The following SGPP2 variants were observed in gnomAD, a reference collection of about 807,000 sequenced individuals.
The protein encoded by SGPP2 is sphingosine 1-phosphate phosphohydrolase 2.
SGPP2 carries 30 observed loss-of-function variants against 33.9 expected under a neutral mutation model. That is an observed-to-expected ratio of 0.89 (90% CI 0.66 to 1.20). The LOEUF is 1.20. SGPP2 is among the 50% of genes most tolerant of loss of function. The pLI is 0.00. For missense variants in SGPP2, 458 were observed against 532.1 expected, an observed-to-expected ratio of 0.86 and a Z score of 1.37; for synonymous variants, 233 against 225.0, an observed-to-expected ratio of 1.04 and a Z score of -0.32.
At chr2:222,436,373 A>G (rs747273453) in intron 1 of SGPP2, among the ~76,000 whole-genome samples, 43 of 152,292 alleles carry the variant, frequency 2.8e-4, no homozygotes, top group Non-Finnish European at 4.3e-4. Context: ...TCCTGGAAAC[A>G]TGAATTTTGA....
chr2:222,464,712 G>A (rs1341896990), intron 1 of SGPP2, among the ~76,000 whole-genome samples: 1 of 152,066 alleles, frequency 6.6e-6, no homozygotes, highest in Non-Finnish European at 1.5e-5. Flanking sequence ...CAGACTCCTG[G>A]CCTCAAGCGA....
At chr2:222,478,388 G>A (rs990249715) in intron 2 of SGPP2, among the ~76,000 whole-genome samples, 5 of 152,056 alleles carry the variant, frequency 3.3e-5, no homozygotes, top group African/African-American at 1.2e-4. Context: ...GTTGAAGGTG[G>A]ATGAAAGGAA....
In SGPP2 at chr2:222,465,105, G is replaced by A. The variant is rs1697725293; in HGVS notation, c.220-9463G>A. 6.6e-6 allele frequency among the ~76,000 whole-genome samples: 1 copy of A among 152,158 alleles called. No individual in the cohort carries two copies. The highest frequency in any genetic ancestry group is 2.1e-4 in the South Asian group (1 of 4,828). ...CCTCCTATCCTTGGACGCAGCAGAGGGATCCCGACAAACGCCCACTAAGCA... is the reference window on the plus strand; with the variant it reads ...CCTCCTATCCTTGGACGCAGCAGAGAGATCCCGACAAACGCCCACTAAGCA... On this transcript the variant is annotated intron_variant, in intron 1 of 4. Coordinates refer to ENST00000321276, the MANE Select transcript of SGPP2 (RefSeq NM_152386.4). The surrounding 1 kb of genome is among the most constrained non-coding windows in gnomAD (Gnocchi z 4.1).
At chr2:222,474,506 G>A in intron 1 of SGPP2, 62 bp from the exon 2 acceptor site, 1 of 1,489,148 alleles carries the variant, frequency 6.7e-7, no homozygotes, top group Non-Finnish European at 9.2e-7. Context: ...GTTTTAGACA[G>A]AGATGTTTAA....
At chr2:222,455,632 G>A (rs991128773) in intron 1 of SGPP2, among the ~76,000 whole-genome samples, 2 of 152,192 alleles carry the variant, frequency 1.3e-5, no homozygotes, top group South Asian at 4.1e-4. Flanking sequence ...ATTTTCATTT[G>A]AATAAGACCA....
chr2:222,456,080 AAAAT>A (rs1258444668), intron 1 of SGPP2, among the ~76,000 whole-genome samples: 14 of 152,204 alleles, frequency 9.2e-5, no homozygotes, highest in African/African-American at 3.4e-4. Context: ...CCCTGTCTCT[AAAAT>A]AAATAAATAA....
At chr2:222,554,385 A>G (rs1221533576) in intron 4 of SGPP2, among the ~76,000 whole-genome samples, 4 of 152,224 alleles carry the variant, frequency 2.6e-5, no homozygotes, top group African/African-American at 2.4e-5. Flanking sequence ...TGAGTCCTCT[A>G]TAGGTGGAAC....
intron 1 of SGPP2, among the ~76,000 whole-genome samples, chr2:222,456,895 A>G (rs972542203): frequency 5.3e-5 from 8 of 152,224 alleles, no homozygotes; most frequent in African/African-American, 1.9e-4. Context: ...GACAATAGTA[A>G]CAAAATCACC....
Position 222,427,024 on chromosome 2 carries a change from C to A in SGPP2, c.219+2203C>A, listed in dbSNP as rs931725314. On this transcript the variant is annotated intron_variant, in intron 1 of 4. Coordinates refer to ENST00000321276, the MANE Select transcript of SGPP2 (RefSeq NM_152386.4). The stretch of plus-strand genomic sequence containing the variant: ...TCTCTGACCTTCCAGCCTAGCTCCC[C>A]CTGCTATAGTTTTTCTTTGCTTTCT... Among the ~76,000 whole-genome samples the A allele has an allele frequency of 2.0e-5, 3 of 152,186 alleles. No homozygotes were observed. In the East Asian group the frequency reaches 5.8e-4, roughly 29 times the overall value.
intron 4 of SGPP2, among the ~76,000 whole-genome samples, chr2:222,556,427 A>G (rs920126562): frequency 3.3e-5 from 5 of 150,574 alleles, no homozygotes; most frequent in Admixed American, 6.6e-5. Context: ...TCTGAAAGGC[A>G]GTCTCCCCCC....
At chr2:222,506,125 G>T (rs1698441935) in intron 2 of SGPP2, among the ~76,000 whole-genome samples, 1 of 152,138 alleles carries the variant, frequency 6.6e-6, no homozygotes, top group East Asian at 1.9e-4. Flanking sequence ...GCTACCTCTT[G>T]TTATTGTAGT....
intron 1 of SGPP2, among the ~76,000 whole-genome samples, chr2:222,449,452 C>T (rs1452503922): frequency 6.7e-6 from 1 of 149,448 alleles, no homozygotes. Flanking sequence ...AGGATGCAGC[C>T]TTTACTCAGG....
At chr2:222,484,166 G>T (rs187181492) in intron 2 of SGPP2, among the ~76,000 whole-genome samples, 77 of 152,266 alleles carry the variant, frequency 5.1e-4, no homozygotes, top group African/African-American at 1.8e-3. Flanking sequence ...AATAAGTTTA[G>T]ATCTCTCTAA....
At position 222,424,782 on chromosome 2, in the gene SGPP2, G is replaced by A. The variant is rs1165160359; in HGVS notation, c.180G>A (p.Glu60=). 3 of 1,397,606 alleles carry A rather than the reference G, an allele frequency of 2.1e-6. No individual in the cohort carries two copies. The highest frequency in any genetic ancestry group is 1.5e-5 in the African/African-American group (1 of 66,580). 86.6% of individuals were successfully genotyped at this position (1,397,606 alleles called of 1,614,324 possible). The change falls in exon 1 of 5, where the codon GAG becomes GAA. Residue 60 remains glutamate, a synonymous_variant. Transcript: ENST00000321276. The stretch of plus-strand genomic sequence containing the variant: ...CCGCAGCCAACGGCAAGGGCGGCGA[G>A]GCTCCGGCCAACGGGCTGCGCAGAG... ...HLPAANGKGG[E]APANGLRRAA...
At chr2:222,495,508 C>T (rs905405507) in intron 2 of SGPP2, among the ~76,000 whole-genome samples, 1 of 152,174 alleles carries the variant, frequency 6.6e-6, no homozygotes, top group African/African-American at 2.4e-5. Flanking sequence ...AGAATATCCT[C>T]AAGATCTCTT....
At chr2:222,466,253 C>CT (rs34005867) in intron 1 of SGPP2, among the ~76,000 whole-genome samples, 39,076 of 104,666 alleles carry the variant, frequency 0.37, 8,338 homozygotes, top group Non-Finnish European at 0.41. Flanking sequence ...CTGTTTTCAA[C>CT]TTTTTTTTTT....
intron 1 of SGPP2, among the ~76,000 whole-genome samples, chr2:222,472,633 A>T (rs946083699): frequency 1.2e-4 from 18 of 152,352 alleles, no homozygotes; most frequent in Admixed American, 8.5e-4. Context: ...CCTACATCTT[A>T]GCAGAATTCA....
At chr2:222,533,306 A>C (rs1574882500) in intron 4 of SGPP2, among the ~76,000 whole-genome samples, 3 of 151,776 alleles carry the variant, frequency 2.0e-5, no homozygotes, top group Admixed American at 6.6e-5. Flanking sequence ...GCTCCCGACA[A>C]CTCCTCCCTC....
At chr2:222,536,428 C>T (rs1172907349) in intron 4 of SGPP2, among the ~76,000 whole-genome samples, 1 of 152,184 alleles carries the variant, frequency 6.6e-6, no homozygotes, top group African/African-American at 2.4e-5. Flanking sequence ...CGCCTGTAAT[C>T]CCAGCACTTT....
Sources: gnomAD v4.1 joint callset for allele counts (sites outside exome capture counted in the v4.1 genomes callset) on GRCh38, gnomAD v4.1.1 for gene constraint, Gnocchi (gnomAD v3.1) non-coding constraint, MANE v1.5 for transcripts, NCBI Gene and HGNC (gene_info 2026-07-23, HGNC 2026-07-21) for gene names.